The following AKAP13 variants were observed in gnomAD, a reference collection of about 807,000 sequenced individuals.
AKAP13 encodes the protein A-kinase anchoring protein 13.
AKAP13 carries 80 observed loss-of-function variants against 264.5 expected under a neutral mutation model. The ratio of observed to expected loss-of-function variants is 0.30; its 90% CI spans 0.25 to 0.36. The LOEUF is 0.36. AKAP13 is among the 10% of genes least tolerant of loss of function. The probability of loss-of-function intolerance (pLI) is 1.00; values close to 1 mark genes in which losing one functional copy is unlikely to be tolerated. For synonymous variants in AKAP13, 1,380 were observed against 1,250.2 expected (o/e 1.10, Z -2.19); for missense variants, 3,712 against 3,435.2 (o/e 1.08, Z -2.01).
At chr15:85,400,244 C>CA (rs2071357646) in intron 1 of AKAP13, among the ~76,000 whole-genome samples, 1 of 152,016 alleles carries the variant, frequency 6.6e-6, no homozygotes, top group South Asian at 2.1e-4. Context: ...CCTGTCTCTA[C>CA]AAAATAAAAA....
chr15:85,394,656 T>C (rs991804523), intron 1 of AKAP13, among the ~76,000 whole-genome samples: 1 of 152,218 alleles, frequency 6.6e-6, no homozygotes, highest in Non-Finnish European at 1.5e-5. Flanking sequence ...TGGCTTTAAC[T>C]TGGCAAGGTT....
intron 8 of AKAP13, among the ~76,000 whole-genome samples, chr15:85,592,881 G>T (rs919413189): frequency 6.6e-6 from 1 of 152,022 alleles, no homozygotes; most frequent in Admixed American, 6.6e-5. Flanking sequence ...TGTATGTAAA[G>T]GTATAATTTA....
At chr15:85,452,915 T>C (rs1438393180) in intron 1 of AKAP13, among the ~76,000 whole-genome samples, 16 of 152,196 alleles carry the variant, frequency 1.1e-4, no homozygotes, top group Admixed American at 5.9e-4. Context: ...TTATTAGTGG[T>C]TTTGGCCAAG....
At chr15:85,434,548 C>T (rs943002408) in intron 1 of AKAP13, among the ~76,000 whole-genome samples, 1 of 152,032 alleles carries the variant, frequency 6.6e-6, no homozygotes, top group African/African-American at 2.4e-5. Context: ...ACAGCAGTAA[C>T]CTCTGCAGAC....
rs897122329 is a variant in AKAP13, at chr15:85,718,874, G to C, written c.6002-202G>C. The C allele has an allele frequency of 6.1e-5, 37 of 603,928 alleles. 3 individuals are homozygous for C. The highest frequency in any genetic ancestry group is 3.9e-4 in the South Asian group (19 of 49,276). The allele number at this position is 603,928 out of a possible 1,614,324, so 37.4% of individuals were successfully genotyped here. A position where few individuals can be genotyped will look rare whatever the true frequency, so the allele number is the denominator to read the frequency against. On this transcript the variant is annotated intron_variant, in intron 22 of 36. Transcript: ENST00000394518. This position sits in a 1 kb window ranked among gnomAD's most constrained non-coding sequence, Gnocchi z 4.9. ...ATGACTTCAGCCTGCACTTCAGCCTGGGTGACAGAGCCAGAACCTGTCTTA... is the reference window on the plus strand; with the variant it reads ...ATGACTTCAGCCTGCACTTCAGCCTCGGTGACAGAGCCAGAACCTGTCTTA...
At chr15:85,672,691 T>C (rs1319018418) in intron 14 of AKAP13, among the ~76,000 whole-genome samples, 2 of 152,266 alleles carry the variant, frequency 1.3e-5, no homozygotes, top group African/African-American at 4.8e-5. Flanking sequence ...AGCTTGTTAC[T>C]GAAACTCTCT....
intron 17 of AKAP13, chr15:85,701,299 G>A (rs773907778): frequency 6.6e-6 from 1 of 152,028 alleles, no homozygotes; most frequent in Non-Finnish European, 1.5e-5. Flanking sequence ...TCTGTCGGTG[G>A]GGACAGGGGT....
intron 8 of AKAP13, among the ~76,000 whole-genome samples, chr15:85,599,659 C>G (rs2079967820): frequency 6.6e-6 from 1 of 152,158 alleles, no homozygotes; most frequent in Non-Finnish European, 1.5e-5. Context: ...GGAACTTATA[C>G]TGCCATTTGT....
intron 1 of AKAP13, among the ~76,000 whole-genome samples, chr15:85,443,866 A>G (rs904721734): frequency 6.6e-6 from 1 of 151,994 alleles, no homozygotes; most frequent in Non-Finnish European, 1.5e-5. Flanking sequence ...TGTCAAGGCT[A>G]CTTGACTGCC....
chr15:85,566,693 C>T (rs1286973608), intron 5 of AKAP13, among the ~76,000 whole-genome samples: 1 of 150,416 alleles, frequency 6.6e-6, no homozygotes, highest in African/African-American at 2.5e-5. Context: ...GTGGTGCAGC[C>T]TCGACTCACT....
At chr15:85,385,062 C>A (rs1258660151) in intron 1 of AKAP13, among the ~76,000 whole-genome samples, 5 of 152,176 alleles carry the variant, frequency 3.3e-5, no homozygotes, top group Non-Finnish European at 7.3e-5. Context: ...TCTGTAAGCT[C>A]TTCTCTGGCT....
intron 8 of AKAP13, among the ~76,000 whole-genome samples, chr15:85,634,832 G>C (rs1255224556): frequency 2.8e-5 from 4 of 142,018 alleles, no homozygotes; most frequent in Non-Finnish European, 6.1e-5. Flanking sequence ...ATAGTCTTTT[G>C]AGTCTGGCTT....
chr15:85,484,145 A>C (rs1306481974), intron 1 of AKAP13, among the ~76,000 whole-genome samples: 1 of 152,202 alleles, frequency 6.6e-6, no homozygotes, highest in Admixed American at 6.5e-5. Context: ...AGCTGATTAA[A>C]AGGCCAGTGA....
intron 5 of AKAP13, among the ~76,000 whole-genome samples, chr15:85,549,284 A>G (rs2077868192): frequency 6.6e-6 from 1 of 152,216 alleles, no homozygotes; most frequent in African/African-American, 2.4e-5. Context: ...GGAATTCTAG[A>G]TGGATAAAAA....
At chr15:85,572,582 T>C (rs905331261) in intron 5 of AKAP13, among the ~76,000 whole-genome samples, 5 of 152,194 alleles carry the variant, frequency 3.3e-5, no homozygotes, top group Admixed American at 2.0e-4. Context: ...ATAGTAGTTT[T>C]TGGAGTACAC....
chr15:85,738,828 G>C (rs2088738549), intron 33 of AKAP13, among the ~76,000 whole-genome samples: 1 of 125,544 alleles, frequency 8.0e-6, no homozygotes, highest in Admixed American at 9.9e-5. Context: ...CTGGGCGACA[G>C]AGCGAGACTC....
chr15:85,397,773 C>T (rs944855538), intron 1 of AKAP13, among the ~76,000 whole-genome samples: 7 of 152,190 alleles, frequency 4.6e-5, no homozygotes, highest in Admixed American at 4.6e-4. Flanking sequence ...CACTACTGGG[C>T]ACCAGGGATT....
intron 8 of AKAP13, chr15:85,620,052 C>T (rs1417870136): frequency 8.5e-6 from 13 of 1,535,730 alleles, no homozygotes; most frequent in African/African-American, 2.7e-5. Flanking sequence ...AGTGGATATA[C>T]TTCCTGCATT....
At chr15:85,699,360 C>G (rs1040234512) in intron 17 of AKAP13, among the ~76,000 whole-genome samples, 2 of 152,022 alleles carry the variant, frequency 1.3e-5, no homozygotes, top group Admixed American at 6.6e-5. Flanking sequence ...AGGAGAATCA[C>G]TTGAACCCAG....
Sources: allele counts gnomAD v4.1 joint callset (sites outside exome capture counted in the v4.1 genomes callset), GRCh38; gene constraint gnomAD v4.1.1; non-coding constraint Gnocchi (gnomAD v3.1); transcripts MANE v1.5; gene names NCBI Gene and HGNC (gene_info 2026-07-23, HGNC 2026-07-21).